PDE4DIP: variants seen among roughly 807,000 people sequenced by gnomAD.
PDE4DIP encodes the protein phosphodiesterase 4D interacting protein, also known as myomegalin.
In PDE4DIP, 59 loss-of-function variants were observed where a neutral mutation model predicts 221.4. That is an observed-to-expected ratio of 0.27 (90% CI 0.22 to 0.33). The LOEUF (loss-of-function observed/expected upper bound fraction) is 0.33. Among genes scored for constraint, PDE4DIP ranks in the 10% least tolerant of loss-of-function variants. PDE4DIP has a pLI of 1.00. For synonymous variants in PDE4DIP, 404 were observed against 815.9 expected (o/e 0.50, Z 8.60); for missense variants, 1,036 against 2,154.2 (o/e 0.48, Z 10.28).
At chr1:148,963,397 C>T (rs1402559504) in intron 9 of PDE4DIP, among the ~76,000 whole-genome samples, 2 of 152,132 alleles carry the variant, frequency 1.3e-5, no homozygotes, top group Non-Finnish European at 2.9e-5. Flanking sequence ...GGATGAATAG[C>T]ACAGGCTCCT....
intron 31 of PDE4DIP, among the ~76,000 whole-genome samples, chr1:149,010,994 C>G (rs1250129617): frequency 6.8e-6 from 1 of 146,752 alleles, no homozygotes; most frequent in African/African-American, 2.6e-5. Context: ...AGATCCTCTG[C>G]AAGAGGTAGT....
At chr1:148,997,394 G>T (rs1190473363) in intron 22 of PDE4DIP, among the ~76,000 whole-genome samples, 1 of 147,758 alleles carries the variant, frequency 6.8e-6, no homozygotes. Context: ...CTGGGCAGTT[G>T]TTCCTGCCTC....
intron 33 of PDE4DIP, among the ~76,000 whole-genome samples, chr1:149,016,926 G>C (rs1165163874): frequency 3.9e-5 from 6 of 152,278 alleles, no homozygotes; most frequent in Non-Finnish European, 7.3e-5. Context: ...TAAGGGTGCA[G>C]CTCCCTGACC....
At chr1:148,926,690 C>T (rs1416003416) in intron 1 of PDE4DIP, among the ~76,000 whole-genome samples, 1 of 151,592 alleles carries the variant, frequency 6.6e-6, no homozygotes, top group Non-Finnish European at 1.5e-5. Flanking sequence ...GAAGTTGCTC[C>T]CTCTTTGCAT....
chr1:148,960,898 C>G, intron 6 of PDE4DIP, 113 bp downstream of exon 9: 1 of 578,160 alleles, frequency 1.7e-6, no homozygotes, highest in Admixed American at 2.9e-5. Context: ...CTGTGTACTC[C>G]TTGTGCTCTA....
chr1:148,951,689 T>G (rs1376732842), intron 5 of PDE4DIP, among the ~76,000 whole-genome samples: 2 of 152,286 alleles, frequency 1.3e-5, no homozygotes, highest in African/African-American at 4.8e-5. Context: ...TTCTACTATC[T>G]TCAAGATCTT....
intron 37 of PDE4DIP, among the ~76,000 whole-genome samples, chr1:149,023,108 C>G (rs1353450379): frequency 6.6e-6 from 1 of 152,254 alleles, no homozygotes; most frequent in Non-Finnish European, 1.5e-5. Flanking sequence ...ATGCTTTTCT[C>G]CCTGCCTTTT....
At chr1:148,934,999 G>A (rs1431106500) in intron 4 of PDE4DIP, among the ~76,000 whole-genome samples, 201 of 152,016 alleles carry the variant, frequency 1.3e-3, no homozygotes, top group African/African-American at 4.4e-3. Context: ...CGAGGCGGGC[G>A]GATCACGAGA....
intron 9 of PDE4DIP, among the ~76,000 whole-genome samples, chr1:148,963,170 A>T (rs1553514275): frequency 6.6e-6 from 1 of 152,228 alleles, no homozygotes; most frequent in East Asian, 1.9e-4. Flanking sequence ...CTTTTGTTAC[A>T]GCATGTTGTT....
intron 5 of PDE4DIP, chr1:148,942,057 C>G (rs1304800075): frequency 2.0e-5 from 3 of 152,120 alleles, no homozygotes; most frequent in African/African-American, 7.2e-5. Context: ...CTGAGAATAC[C>G]ACAAACAGTT....
At chr1:148,906,652 AGTGTTAG>A (rs1558758021) in intron 1 of PDE4DIP, among the ~76,000 whole-genome samples, 2 of 47,908 alleles carry the variant, frequency 4.2e-5, no homozygotes, top group African/African-American at 1.9e-4. Context: ...TGGGAGCTCC[AGTGTTAG>A]GTGCATATAT....
chr1:148,967,979 G>T, intron 13 of PDE4DIP, 74 bp downstream of exon 16: 1 of 908,572 alleles, frequency 1.1e-6, no homozygotes, highest in Non-Finnish European at 1.7e-6. Flanking sequence ...GGACTCTTCA[G>T]ATTGGGAGGA....
rs782099813 is a variant in PDE4DIP, at chr1:148,961,793, A to G, written c.769-44A>G. 7.5e-6 allele frequency: 6 copies of G among 801,316 alleles called. No individual in the cohort carries two copies. In the South Asian group the frequency reaches 8.3e-5, roughly 11 times the overall value. 49.6% of individuals were successfully genotyped at this position (801,316 alleles called of 1,614,324 possible). On this transcript the variant is annotated intron_variant, in intron 6 of 43. Coordinates refer to ENST00000369354, the Ensembl canonical transcript of PDE4DIP. Reference sequence around the variant, plus strand: ...AAGGCTTTATTCATTTGAGGCTAAAAGACATCATTGACCTAAAAAACTGTT... The same window carrying G: ...AAGGCTTTATTCATTTGAGGCTAAAGGACATCATTGACCTAAAAAACTGTT...
intron 9 of PDE4DIP, among the ~76,000 whole-genome samples, chr1:148,964,279 T>G (rs1404286395): frequency 6.6e-6 from 1 of 152,042 alleles, no homozygotes; most frequent in Non-Finnish European, 1.5e-5. Context: ...TGGCTAATTT[T>G]GTATTTTTAG....
At chr1:149,002,050 GA>G (rs1553579572) in intron 24 of PDE4DIP, 24 bp downstream of exon 27, 2 of 636,966 alleles carry the variant, frequency 3.1e-6, no homozygotes, top group East Asian at 2.7e-5. Flanking sequence ...TAGATTGAGT[GA>G]AAAACAATTG....
chr1:148,901,990 G>A (rs2040756682), intron 1 of PDE4DIP, among the ~76,000 whole-genome samples: 1 of 101,174 alleles, frequency 9.9e-6, no homozygotes, highest in Non-Finnish European at 1.9e-5. Context: ...CAAGGTTGAG[G>A]ACACGTGCCC....
intron 1 of PDE4DIP, among the ~76,000 whole-genome samples, chr1:148,828,935 TGAATGAAC>T (rs1553367244): frequency 6.6e-6 from 1 of 150,874 alleles, no homozygotes. Context: ...AATGAATGAA[TGAATGAAC>T]GAATGAATGA....
rs1202027230 is a variant in PDE4DIP, at chr1:148,915,059, G to A, written c.142-14138G>A. 5.3e-5 allele frequency among the ~76,000 whole-genome samples: 8 copies of A among 150,680 alleles called. No homozygotes were observed. In the East Asian group the frequency reaches 1.4e-3, roughly 26 times the overall value. Reference sequence around the variant, plus strand: ...GTTGATCTATGGTTATAAGTGGAAAGACAGAGAATGTAACCCGAGATGTGT... The same window carrying A: ...GTTGATCTATGGTTATAAGTGGAAAAACAGAGAATGTAACCCGAGATGTGT... On this transcript the variant is annotated intron_variant, in intron 1 of 43. Coordinates refer to ENST00000369354, the Ensembl canonical transcript of PDE4DIP.
chr1:148,940,681 T>G (rs1324632372), intron 5 of PDE4DIP, among the ~76,000 whole-genome samples: 1 of 151,620 alleles, frequency 6.6e-6, no homozygotes, highest in Non-Finnish European at 1.5e-5. Flanking sequence ...GTTGGAAAGC[T>G]CTGCCACAGG....
Sources: allele counts gnomAD v4.1 joint callset (sites outside exome capture counted in the v4.1 genomes callset), GRCh38; gene constraint gnomAD v4.1.1; transcripts MANE v1.5; gene names NCBI Gene and HGNC (gene_info 2026-07-23, HGNC 2026-07-21).